COL22A1: variants seen among roughly 807,000 people sequenced by gnomAD.
The protein encoded by COL22A1 is collagen alpha-1(XXII) chain.
A neutral mutation model predicts 248.9 loss-of-function variants in COL22A1; 221 were observed. The observed-to-expected ratio is 0.89, with a 90% CI of 0.80 to 0.99. The LOEUF is 0.99. Among genes scored for constraint, COL22A1 ranks in the 50% least tolerant of loss-of-function variants. COL22A1 has a pLI of 0.00. For missense variants in COL22A1, 2,240 were observed against 2,179.0 expected (o/e 1.03, Z -0.56); for synonymous variants, 891 against 793.4 (o/e 1.12, Z -2.07).
In COL22A1 at chr8:138,667,509, G is replaced by A. The variant is rs150743001; in HGVS notation, c.3151-3769C>T. ...ACATCAAATGTGTTTATATCCCCGA[G>A]TTCAAAATTATTCTTAGAACAAACA... On this transcript the variant is annotated intron_variant, in intron 41 of 64. Coordinates refer to ENST00000303045, the MANE Select transcript of COL22A1 (RefSeq NM_152888.3). Among the ~76,000 whole-genome samples, 343 of 152,224 alleles carry A rather than the reference G, an allele frequency of 2.3e-3. 4 individuals carry two copies. The highest frequency in any genetic ancestry group is 2.7e-3 in the Non-Finnish European group (187 of 68,008).
chr8:138,684,444 GGGAGTCCAGGTGATCCAC>G lies in COL22A1; in HGVS notation c.2975_2992del (p.Arg992_Leu997del). The G allele has an allele frequency of 1.9e-6, 3 of 1,611,492 alleles. No individual in the cohort carries two copies. The highest frequency in any genetic ancestry group is 2.5e-6 in the Non-Finnish European group (3 of 1,177,646). On this transcript the variant is annotated inframe_deletion, in exon 39 of 65. Transcript: ENST00000303045. ...ACTCACCTTGGTTCCTAGGGGTCCA[GGGAGTCCAGGTGATCCAC>G]GGAGTCCCTGGAGAAATAAATAATA...
At chr8:138,760,682 T>G (rs939654388) in intron 17 of COL22A1, among the ~76,000 whole-genome samples, 1 of 152,130 alleles carries the variant, frequency 6.6e-6, no homozygotes, top group African/African-American at 2.4e-5. Context: ...AGCTGAGGAC[T>G]GGTGAGGCAC....
intron 40 of COL22A1, among the ~76,000 whole-genome samples, chr8:138,678,272 A>T (rs1338461774): frequency 6.6e-6 from 1 of 152,184 alleles, no homozygotes; most frequent in Non-Finnish European, 1.5e-5. Flanking sequence ...CGAAGTTCTC[A>T]CAAAAGACAC....
intron 36 of COL22A1, among the ~76,000 whole-genome samples, chr8:138,689,683 C>T (rs1292093889): frequency 6.6e-6 from 1 of 152,110 alleles, no homozygotes; most frequent in Non-Finnish European, 1.5e-5. Flanking sequence ...CCACTGCACC[C>T]CAGCCTGGGT....
rs552843790 is a variant in COL22A1 at position 138,883,932 on chromosome 8, G to A, written c.-72-688C>T. Among the ~76,000 whole-genome samples the A allele has an allele frequency of 5.3e-5, 8 of 152,202 alleles. No individual in the cohort carries two copies. In the South Asian group the frequency reaches 1.5e-3, roughly 28 times the overall value. On this transcript the variant is annotated intron_variant, in intron 1 of 64. Transcript: ENST00000303045. The stretch of plus-strand genomic sequence containing the variant: ...GTGTCACCGTCCTCATCTGAATATG[G>A]CATGAGGGCCTGCCATGATCTACCC...
intron 9 of COL22A1, among the ~76,000 whole-genome samples, chr8:138,808,866 G>C (rs1817946025): frequency 6.6e-6 from 1 of 152,186 alleles, no homozygotes; most frequent in Non-Finnish European, 1.5e-5. Context: ...GCCCACAAGA[G>C]TGCCTGGTAC....
At chr8:138,823,288 C>G (rs1404299158) in intron 6 of COL22A1, among the ~76,000 whole-genome samples, 1 of 152,152 alleles carries the variant, frequency 6.6e-6, no homozygotes, top group African/African-American at 2.4e-5. Flanking sequence ...AGGCACTGTT[C>G]TAAATATTTG....
intron 50 of COL22A1, among the ~76,000 whole-genome samples, chr8:138,627,459 A>T (rs1014726133): frequency 6.6e-6 from 1 of 152,182 alleles, no homozygotes; most frequent in South Asian, 2.1e-4. Flanking sequence ...ACTATATTAG[A>T]CCATTCTCTT....
At chr8:138,698,299 C>T (rs1827675362) in intron 32 of COL22A1, among the ~76,000 whole-genome samples, 1 of 152,182 alleles carries the variant, frequency 6.6e-6, no homozygotes, top group Non-Finnish European at 1.5e-5. Flanking sequence ...ACAGACGCTC[C>T]ATCCAGTGCG....
chr8:138,902,739 T>TATATATATAC (rs763466994), intron 1 of COL22A1, among the ~76,000 whole-genome samples: 25 of 93,882 alleles, frequency 2.7e-4, no homozygotes, highest in African/African-American at 1.0e-3. Context: ...TATATATATA[T>TATATATATAC]ACACACACAC....
At chr8:138,885,012 G>GCACGCACACACACACACA (rs1373639211) in intron 1 of COL22A1, among the ~76,000 whole-genome samples, 1 of 107,090 alleles carries the variant, frequency 9.3e-6, no homozygotes, top group Non-Finnish European at 2.1e-5. Context: ...ATATGTGTGT[G>GCACGCACACACACACACA]CACGCACACA....
intron 30 of COL22A1, among the ~76,000 whole-genome samples, chr8:138,706,557 A>G (rs1828471879): frequency 6.6e-6 from 1 of 152,202 alleles, no homozygotes; most frequent in Non-Finnish European, 1.5e-5. Context: ...TAACAAAATG[A>G]AGGCAGAAAT....
chr8:138,748,243 A>T (rs373693455), intron 22 of COL22A1, among the ~76,000 whole-genome samples: 3 of 152,274 alleles, frequency 2.0e-5, no homozygotes, highest in South Asian at 2.1e-4. Context: ...TCCTCTGAAC[A>T]TCTGTAGTCT....
chr8:138,887,038 C>T lies in COL22A1; in HGVS notation c.-72-3794G>A, dbSNP rs553779713. Among the ~76,000 whole-genome samples the T allele has an allele frequency of 5.9e-5, 9 of 152,272 alleles. No homozygotes were observed. The South Asian group carries it at 1.9e-3, about 32-fold the overall frequency. On this transcript the variant is annotated intron_variant, in intron 1 of 64. Transcript: ENST00000303045. ...AATGGGGTATCCATCCCCTCAAGCACTTATCCTTCGAGTCACAAGCAATCC... is the reference window on the plus strand; with the variant it reads ...AATGGGGTATCCATCCCCTCAAGCATTTATCCTTCGAGTCACAAGCAATCC...
At chr8:138,830,657 T>C (rs1339079492) in intron 5 of COL22A1, among the ~76,000 whole-genome samples, 1 of 152,242 alleles carries the variant, frequency 6.6e-6, no homozygotes, top group Non-Finnish European at 1.5e-5. Context: ...GCTTTGCTCT[T>C]TGATGCAAGT....
Position 138,649,714 on chromosome 8 carries a change from T to G in COL22A1, c.3398A>C (p.Asp1133Ala). Reference protein sequence around the residue: ...GLPGLPGFKGDKGVPGKPGRE... With the variant: ...GLPGLPGFKGAKGVPGKPGRE... ...CCCTGGCTTTCCTGGGACACCTTTG[T>G]CCCCTTTAAAACCTGGTAGACCAGG... Residue 1133 changes from aspartate to alanine, a missense_variant, in exon 46 of 65, where the codon GAC becomes GCC. Asp to Ala is a moderately radical substitution (Grantham distance 126). Coordinates refer to ENST00000303045, the MANE Select transcript of COL22A1 (RefSeq NM_152888.3). The G allele has an allele frequency of 1.2e-6, 2 of 1,613,394 alleles. No homozygotes were observed. The highest frequency in any genetic ancestry group is 1.7e-6 in the Non-Finnish European group (2 of 1,179,692).
chr8:138,837,787 G>A (rs1376691539), intron 4 of COL22A1, among the ~76,000 whole-genome samples: 1 of 152,174 alleles, frequency 6.6e-6, no homozygotes, highest in Non-Finnish European at 1.5e-5. Flanking sequence ...AAAGTGTACA[G>A]TCTGCTTAGG....
At chr8:138,821,771 G>T (rs1445730567) in intron 6 of COL22A1, among the ~76,000 whole-genome samples, 1 of 150,254 alleles carries the variant, frequency 6.7e-6, no homozygotes, top group African/African-American at 2.4e-5. Flanking sequence ...GCACAGAGGG[G>T]CTTGAGTTGT....
intron 60 of COL22A1, 127 bp downstream of exon 60, chr8:138,601,988 A>C (rs1189027252): frequency 2.2e-6 from 2 of 903,766 alleles, no homozygotes; most frequent in Non-Finnish European, 3.5e-6. Context: ...GAACAAAATC[A>C]CTACAGGCGG....
Sources: allele counts gnomAD v4.1 joint callset (sites outside exome capture counted in the v4.1 genomes callset), GRCh38; gene constraint gnomAD v4.1.1; transcripts MANE v1.5; gene names NCBI Gene and HGNC (gene_info 2026-07-23, HGNC 2026-07-21).